The following BTBD8 variants were observed in gnomAD, a reference collection of about 807,000 sequenced individuals.
The protein encoded by BTBD8 is BTB domain containing 8.
A neutral mutation model predicts 162.9 loss-of-function variants in BTBD8; 110 were observed. That is an observed-to-expected ratio of 0.68 (90% CI 0.58 to 0.79). The LOEUF is 0.79. Ranked by LOEUF, BTBD8 falls within the 30% of genes least tolerant of loss-of-function variation. The probability of loss-of-function intolerance (pLI) is 0.00; values close to 1 mark genes in which losing one functional copy is unlikely to be tolerated. For synonymous variants in BTBD8, 667 were observed against 716.1 expected (o/e 0.93, Z 1.10); for missense variants, 1,905 against 2,085.4 (o/e 0.91, Z 1.68).
chr1:92,176,990 T>C lies in BTBD8; in HGVS notation c.1797T>C (p.Asn599=). 6.5e-7 allele frequency: 1 copy of C among 1,547,398 alleles called. No homozygotes were observed. Among genetic ancestry groups the C allele is most frequent in the Non-Finnish European group, 8.7e-7 (1 of 1,145,410 alleles). Residue 599 remains asparagine (N), a synonymous_variant, in exon 14 of 18, where the codon AAT becomes AAC. Transcript: ENST00000636805. ...CAAGTACCAATAGAAATAGTATAAA[T>C]AAAACTCTGAAGCAAGATGATGTAA... ...HSSSTNRNSI[N]KTLKQDDVKE...
At chr1:92,170,880 T>C (rs896921778) in intron 12 of BTBD8, among the ~76,000 whole-genome samples, 17 of 151,994 alleles carry the variant, frequency 1.1e-4, no homozygotes, top group Admixed American at 2.6e-4. Flanking sequence ...AGATTCTTAT[T>C]TTATTTTCAG....
intron 10 of BTBD8, 58 bp from the exon 11 acceptor site, chr1:92,167,790 A>C: frequency 2.2e-6 from 3 of 1,340,816 alleles, no homozygotes; most frequent in Non-Finnish European, 2.0e-6. Context: ...CCAGACTTTC[A>C]CATTTCTTGT....
Position 92,163,354 on chromosome 1 carries a change from C to CAAA in BTBD8, c.1123-3577_1123-3575dup, listed in dbSNP as rs34760395. Among the ~76,000 whole-genome samples, 5 of 20,408 alleles carry CAAA rather than the reference C, an allele frequency of 2.5e-4. 1 individual carries two copies. The highest frequency in any genetic ancestry group is 7.9e-4 in the African/African-American group (4 of 5,092). The allele number at this position is 20,408 out of a possible 152,430, so 13.4% of individuals were successfully genotyped here. ...TGGGCAACAGAGAGAGATTCTGTCT[C>CAAA]AAAAAAAAAAAAAAAAAAAAAAAAA... On this transcript the variant is annotated intron_variant, in intron 9 of 17. Coordinates refer to ENST00000636805, the MANE Select transcript of BTBD8 (RefSeq NM_001376131.1).
intron 4 of BTBD8, 34 bp from the exon 5 acceptor site, chr1:92,129,653 G>A (rs371975002): frequency 7.7e-5 from 112 of 1,463,666 alleles, no homozygotes; most frequent in Middle Eastern, 1.7e-4. Context: ...ATATGTAAAT[G>A]TTTACCTGTG....
intron 4 of BTBD8, among the ~76,000 whole-genome samples, chr1:92,126,864 G>T (rs1649373110): frequency 6.6e-6 from 1 of 152,060 alleles, no homozygotes; most frequent in African/African-American, 2.4e-5. Flanking sequence ...GGCTATATAT[G>T]CTGTATTTCT....
intron 6 of BTBD8, 127 bp downstream of exon 6, chr1:92,139,557 G>A (rs1649717543): frequency 1.5e-6 from 2 of 1,333,456 alleles, no homozygotes; most frequent in Non-Finnish European, 1.9e-6. Flanking sequence ...ATCTTCAGTA[G>A]GTTTTGAGAA....
At chr1:92,139,519 CTT>C (rs1649716921) in intron 6 of BTBD8, 89 bp downstream of exon 6, 1 of 1,504,824 alleles carries the variant, frequency 6.6e-7, no homozygotes, top group Non-Finnish European at 8.8e-7. Flanking sequence ...GAAGTAGAAA[CTT>C]TGCTTTTTAT....
rs145462746 is a variant in BTBD8, at chr1:92,089,666, C to T, written c.347+771C>T. Among the ~76,000 whole-genome samples the T allele has an allele frequency of 2.0e-4, 31 of 152,228 alleles. No individual in the cohort carries two copies. The East Asian group carries it at 5.6e-3, about 28-fold the overall frequency. The stretch of plus-strand genomic sequence containing the variant: ...TCACATGGCAAAAGAGATAAACAAA[C>T]TTTCTTGGGTCTTTTTTATAAGAGC... On this transcript the variant is annotated intron_variant, in intron 2 of 17. Transcript: ENST00000636805.
intron 4 of BTBD8, among the ~76,000 whole-genome samples, chr1:92,129,455 C>T (rs1389561896): frequency 3.3e-5 from 5 of 151,634 alleles, no homozygotes; most frequent in Non-Finnish European, 7.4e-5. Context: ...CACTGCATTC[C>T]AGCCAGGGTG....
rs72956838 is a variant in BTBD8, at chr1:92,109,708, T to C, written c.662+1707T>C. ...CAAACATCTTTCTGTTTATAGTACA[T>C]ATTAATTTTATTATGTAGTTTAAGG... On this transcript the variant is annotated intron_variant, in intron 4 of 17. Transcript: ENST00000636805. Among the ~76,000 whole-genome samples the C allele has an allele frequency of 3.6e-3, 544 of 152,314 alleles. 1 individual carries two copies. The highest frequency in any genetic ancestry group is 0.012 in the African/African-American group (495 of 41,574).
In BTBD8 at chr1:92,181,277, T is replaced by G. The variant is rs1650895447; in HGVS notation, c.3594T>G (p.Ser1198=). 7 of 1,551,676 alleles carry G rather than the reference T, an allele frequency of 4.5e-6. No individual in the cohort carries two copies. Among genetic ancestry groups the G allele is most frequent in the Non-Finnish European group, 6.1e-6 (7 of 1,146,986 alleles). Residue 1198 remains serine, a synonymous_variant, in exon 17 of 18, where the codon TCT becomes TCG. Coordinates refer to ENST00000636805, the MANE Select transcript of BTBD8 (RefSeq NM_001376131.1). ...DKHATADSDV[S]SKCFSGQLSE... ...ATGCTACAGCAGACTCAGATGTATCTTCCAAGTGTTTTTCGGGACAGCTAT... is the reference window on the plus strand; with the variant it reads ...ATGCTACAGCAGACTCAGATGTATCGTCCAAGTGTTTTTCGGGACAGCTAT...
At position 92,180,511 on chromosome 1, in the gene BTBD8, C is replaced by CT; in HGVS notation, c.2829dup (p.Gly944TrpfsTer18). ...AAAGATTCAAAACAGAAAATGCCTC[C>CT]TGGACAGGTTATATCAAAAACTCAG... On this transcript the variant is annotated frameshift_variant, in exon 17 of 18. Coordinates refer to ENST00000636805, the MANE Select transcript of BTBD8 (RefSeq NM_001376131.1). LOFTEE classifies it high-confidence loss of function. The CT allele has an allele frequency of 6.4e-7, 1 of 1,551,342 alleles. No homozygotes were observed. The highest frequency in any genetic ancestry group is 8.7e-7 in the Non-Finnish European group (1 of 1,146,876).
chr1:92,131,787 G>C (rs10875214), intron 5 of BTBD8, among the ~76,000 whole-genome samples: 96,300 of 151,430 alleles, frequency 0.64, 31,061 homozygotes, highest in East Asian at 0.97. Context: ...CTCTTTTTAT[G>C]TGAGGTCAAC....
In BTBD8 at chr1:92,178,408, G is replaced by A. The variant is rs1383890988; in HGVS notation, c.2538G>A (p.Gln846=). 1.3e-6 allele frequency: 2 copies of A among 1,551,344 alleles called. No homozygotes were observed. Among genetic ancestry groups the A allele is most frequent in the Non-Finnish European group, 1.7e-6 (2 of 1,146,806 alleles). ...CTAGCAATGGATGTACTGCAGCTCA[G>A]CAGAGGACAAAGAGTACCCCATCTA... ...RGTSNGCTAA[Q]QRTKSTPSNL... The change falls in exon 16 of 18, where the codon CAG becomes CAA. Residue 846 remains glutamine (Q), a synonymous_variant. Transcript: ENST00000636805.
At chr1:92,093,730 A>C (rs1648377896) in intron 2 of BTBD8, among the ~76,000 whole-genome samples, 1 of 152,218 alleles carries the variant, frequency 6.6e-6, no homozygotes, top group Admixed American at 6.5e-5. Flanking sequence ...TGTGGTAAGC[A>C]CTGAATAAGA....
chr1:92,168,840 G>T, intron 11 of BTBD8, 26 bp from the exon 12 acceptor site: 1 of 1,490,840 alleles, frequency 6.7e-7, no homozygotes. Flanking sequence ...GCTCTCACCA[G>T]CTGCTGATTT....
At chr1:92,171,016 T>C (rs1249891865) in intron 12 of BTBD8, among the ~76,000 whole-genome samples, 2 of 152,032 alleles carry the variant, frequency 1.3e-5, no homozygotes, top group Admixed American at 6.5e-5. Context: ...TTTAATAGCT[T>C]GTAGAATGTT....
intron 9 of BTBD8, among the ~76,000 whole-genome samples, chr1:92,163,354 CAAAAAAAAAAAAA>C (rs34760395): frequency 1.5e-4 from 3 of 20,408 alleles, no homozygotes; most frequent in South Asian, 6.2e-3. Context: ...GATTCTGTCT[CAAAAAAAAAAAAA>C]AAAAAAAAAA....
chr1:92,174,875 C>G (rs1480309866), intron 13 of BTBD8, among the ~76,000 whole-genome samples: 1 of 152,032 alleles, frequency 6.6e-6, no homozygotes, highest in Non-Finnish European at 1.5e-5. Flanking sequence ...TAAATTTAAC[C>G]AAGTTATTTA....
Sources: allele counts gnomAD v4.1 joint callset (sites outside exome capture counted in the v4.1 genomes callset), GRCh38; gene constraint gnomAD v4.1.1; transcripts MANE v1.5; gene names NCBI Gene and HGNC (gene_info 2026-07-23, HGNC 2026-07-21).